Variants in GPC5 observed in about 807,000 individuals in gnomAD.
GPC5 encodes glypican 5.
A neutral mutation model predicts 53.9 loss-of-function variants in GPC5; 47 were observed. The ratio of observed to expected loss-of-function variants is 0.87; its 90% CI spans 0.69 to 1.11. The LOEUF (loss-of-function observed/expected upper bound fraction) is 1.11, where lower values mean the gene tolerates loss of function less well. GPC5 is among the 50% of genes most tolerant of loss of function. The probability of loss-of-function intolerance (pLI) is 0.00; values close to 1 mark genes in which losing one functional copy is unlikely to be tolerated. For missense variants in GPC5, 748 were observed against 713.1 expected (o/e 1.05, Z -0.56); for synonymous variants, 286 against 263.3 (o/e 1.09, Z -0.84).
chr13:92,336,296 A>T (rs182221539), intron 7 of GPC5, among the ~76,000 whole-genome samples: 1 of 152,280 alleles, frequency 6.6e-6, no homozygotes, highest in Admixed American at 6.5e-5. Context: ...GTAACTTATA[A>T]TTATCAGGTA....
At chr13:92,844,784 C>T (rs1235259626) in intron 7 of GPC5, among the ~76,000 whole-genome samples, 1 of 152,012 alleles carries the variant, frequency 6.6e-6, no homozygotes, top group Non-Finnish European at 1.5e-5. Flanking sequence ...AATATGGTTC[C>T]TGGAACAATA....
intron 7 of GPC5, among the ~76,000 whole-genome samples, chr13:92,555,692 G>A (rs1473663967): frequency 6.7e-6 from 1 of 149,376 alleles, no homozygotes; most frequent in African/African-American, 2.4e-5. Flanking sequence ...CTTTTAGGAT[G>A]AAAACACATA....
intron 5 of GPC5, among the ~76,000 whole-genome samples, chr13:91,840,806 C>T (rs1285137139): frequency 6.6e-6 from 1 of 151,124 alleles, no homozygotes; most frequent in Non-Finnish European, 1.5e-5. Flanking sequence ...TTCAGGTATC[C>T]ATTTTAAACA....
chr13:92,803,535 T>C (rs1318162531), intron 7 of GPC5, among the ~76,000 whole-genome samples: 2 of 151,942 alleles, frequency 1.3e-5, no homozygotes, highest in African/African-American at 4.8e-5. Context: ...AGAATTACTA[T>C]AGAAATCTCT....
chr13:91,926,577 A>G (rs1454039909), intron 6 of GPC5, among the ~76,000 whole-genome samples: 2 of 152,096 alleles, frequency 1.3e-5, no homozygotes, highest in Admixed American at 6.5e-5. Flanking sequence ...TGTTATGGCA[A>G]AATTCAGGAG....
intron 7 of GPC5, among the ~76,000 whole-genome samples, chr13:92,580,419 A>G (rs944580439): frequency 1.3e-5 from 2 of 152,234 alleles, no homozygotes; most frequent in African/African-American, 4.8e-5. Flanking sequence ...ATAATTATGT[A>G]TAGTATACAT....
chr13:91,715,434 T>G (rs1299103317), intron 3 of GPC5, among the ~76,000 whole-genome samples: 2 of 152,216 alleles, frequency 1.3e-5, no homozygotes, highest in African/African-American at 4.8e-5. Flanking sequence ...GACATTTAAG[T>G]GACAAAATCT....
intron 7 of GPC5, among the ~76,000 whole-genome samples, chr13:92,521,805 C>A (rs1034802183): frequency 2.3e-4 from 35 of 152,270 alleles, no homozygotes; most frequent in African/African-American, 8.2e-4. Flanking sequence ...AGAGCTTCTG[C>A]AGAGCAAAAG....
chr13:92,640,911 G>A (rs1341585177), intron 7 of GPC5, among the ~76,000 whole-genome samples: 1 of 151,336 alleles, frequency 6.6e-6, no homozygotes, highest in Admixed American at 6.6e-5. Flanking sequence ...TAAGCAGAGG[G>A]GAAATAGAAC....
At chr13:92,007,317 G>T (rs2040616160) in intron 6 of GPC5, among the ~76,000 whole-genome samples, 1 of 152,046 alleles carries the variant, frequency 6.6e-6, no homozygotes. Context: ...TAGATATATT[G>T]GCTGAAATCT....
intron 7 of GPC5, among the ~76,000 whole-genome samples, chr13:92,441,102 C>T (rs946014336): frequency 6.6e-6 from 1 of 152,068 alleles, no homozygotes. Flanking sequence ...GACAAAGTCT[C>T]ATTTTGTGAC....
At chr13:91,406,349 T>A (rs1877322669) in intron 1 of GPC5, among the ~76,000 whole-genome samples, 1 of 152,178 alleles carries the variant, frequency 6.6e-6, no homozygotes, top group African/African-American at 2.4e-5. Flanking sequence ...TACAATGATA[T>A]TTTTTGTCTT....
chr13:91,457,172 T>G (rs1881620036), intron 2 of GPC5, among the ~76,000 whole-genome samples: 1 of 152,096 alleles, frequency 6.6e-6, no homozygotes. Context: ...CATAGCTATT[T>G]TTGTATCAAA....
chr13:92,098,903 T>G (rs1329762412), intron 6 of GPC5, among the ~76,000 whole-genome samples: 1 of 151,702 alleles, frequency 6.6e-6, no homozygotes, highest in Non-Finnish European at 1.5e-5. Flanking sequence ...ATTAAACCAC[T>G]AAACTTCTGG....
chr13:91,988,541 A>T (rs1251955634), intron 6 of GPC5, among the ~76,000 whole-genome samples: 1 of 152,202 alleles, frequency 6.6e-6, no homozygotes, highest in Non-Finnish European at 1.5e-5. Context: ...AATCTGGAAG[A>T]TCAGCGCTGT....
intron 7 of GPC5, among the ~76,000 whole-genome samples, chr13:92,797,216 T>C (rs1032340867): frequency 6.6e-6 from 1 of 151,954 alleles, no homozygotes; most frequent in Non-Finnish European, 1.5e-5. Flanking sequence ...ATAATAATGA[T>C]GAATGTTAAT....
At chr13:91,742,924 C>T (rs1273502266) in intron 4 of GPC5, among the ~76,000 whole-genome samples, 3 of 152,120 alleles carry the variant, frequency 2.0e-5, no homozygotes, top group African/African-American at 4.8e-5. Context: ...TAGCCATAGA[C>T]ATGGCTAGAA....
At chr13:92,507,551 G>A (rs1161809391) in intron 7 of GPC5, among the ~76,000 whole-genome samples, 1 of 152,090 alleles carries the variant, frequency 6.6e-6, no homozygotes, top group Non-Finnish European at 1.5e-5. Context: ...GTGTGCAATT[G>A]TTTTCATAAC....
chr13:91,857,827 A>G (rs1469985935), intron 5 of GPC5, among the ~76,000 whole-genome samples: 3 of 151,506 alleles, frequency 2.0e-5, no homozygotes, highest in Non-Finnish European at 3.0e-5. Context: ...AGTTTTATCA[A>G]GAATACTTAC....
Sources: allele counts gnomAD v4.1 joint callset (sites outside exome capture counted in the v4.1 genomes callset), GRCh38; gene constraint gnomAD v4.1.1; transcripts MANE v1.5; gene names NCBI Gene and HGNC (gene_info 2026-07-23, HGNC 2026-07-21).